Variants in TNNI3K observed in about 807,000 individuals in gnomAD.
TNNI3K encodes the protein TNNI3 interacting kinase, also known as serine/threonine-protein kinase TNNI3K.
In TNNI3K, 140 loss-of-function variants were observed where a neutral mutation model predicts 114.5. The observed-to-expected ratio is 1.22, with a 90% CI of 1.07 to 1.41. The LOEUF (loss-of-function observed/expected upper bound fraction) is 1.41, where lower values mean the gene tolerates loss of function less well. Among genes scored for constraint, TNNI3K ranks in the 40% most tolerant of loss-of-function variants. The pLI is 0.00. For missense variants in TNNI3K, 1,125 were observed against 1,007.6 expected (o/e 1.12, Z -1.58); for synonymous variants, 347 against 347.5 (o/e 1.00, Z 0.02).
At chr1:74,292,190 T>C (rs1011117521) in intron 5 of TNNI3K, among the ~76,000 whole-genome samples, 2 of 151,556 alleles carry the variant, frequency 1.3e-5, no homozygotes, top group Non-Finnish European at 3.0e-5. Flanking sequence ...AACCAACTTC[T>C]GGCTTTGTTG....
intron 17 of TNNI3K, among the ~76,000 whole-genome samples, chr1:74,391,964 T>A (rs924497922): frequency 0.077 from 10,360 of 134,214 alleles, 585 homozygotes; most frequent in African/African-American, 0.16. Flanking sequence ...ATTATTTTTT[T>A]TTTTTTTTTT....
At chr1:74,495,619 T>C (rs1052477518) in intron 23 of TNNI3K, among the ~76,000 whole-genome samples, 1 of 152,164 alleles carries the variant, frequency 6.6e-6, no homozygotes, top group African/African-American at 2.4e-5. Context: ...CCTTAGGAAG[T>C]AGGTATTCCA....
chr1:74,333,571 A>C (rs906806015), intron 6 of TNNI3K, among the ~76,000 whole-genome samples: 1 of 152,170 alleles, frequency 6.6e-6, no homozygotes, highest in African/African-American at 2.4e-5. Flanking sequence ...ATTATGCTAA[A>C]ATGTGGATGG....
chr1:74,532,065 T>G (rs185452356), intron 23 of TNNI3K, among the ~76,000 whole-genome samples: 73 of 152,258 alleles, frequency 4.8e-4, no homozygotes, highest in African/African-American at 1.6e-3. Context: ...AACCTAATGG[T>G]TTTCTGCTCA....
At chr1:74,518,327 A>G (rs970234687) in intron 23 of TNNI3K, among the ~76,000 whole-genome samples, 1 of 152,160 alleles carries the variant, frequency 6.6e-6, no homozygotes, top group African/African-American at 2.4e-5. Context: ...TTCATCTCCT[A>G]TTTCCACATA....
At chr1:74,313,765 A>G (rs376612304) in intron 5 of TNNI3K, among the ~76,000 whole-genome samples, 1 of 152,022 alleles carries the variant, frequency 6.6e-6, no homozygotes, top group Non-Finnish European at 1.5e-5. Flanking sequence ...CTCTGTGTTG[A>G]TGCTTTAATC....
chr1:74,414,291 T>G (rs990392665), intron 17 of TNNI3K, among the ~76,000 whole-genome samples: 21 of 152,222 alleles, frequency 1.4e-4, no homozygotes, highest in African/African-American at 4.8e-4. Flanking sequence ...AAGAGTCTAA[T>G]AGTGTTTCAT....
chr1:74,394,776 G>C (rs988683373), intron 17 of TNNI3K, among the ~76,000 whole-genome samples: 6 of 152,198 alleles, frequency 3.9e-5, no homozygotes, highest in African/African-American at 1.4e-4. Flanking sequence ...CGGGCGCAGT[G>C]GCTCACGCCT....
intron 17 of TNNI3K, among the ~76,000 whole-genome samples, chr1:74,419,510 T>C (rs571962155): frequency 1.1e-4 from 16 of 152,156 alleles, no homozygotes; most frequent in African/African-American, 3.9e-4. Flanking sequence ...AATCACCGAT[T>C]TGTGCTATTG....
intron 17 of TNNI3K, among the ~76,000 whole-genome samples, chr1:74,382,738 A>T (rs1033032475): frequency 3.9e-5 from 6 of 152,212 alleles, no homozygotes; most frequent in Non-Finnish European, 8.8e-5. Context: ...CCCTCATTTA[A>T]TGGTTTTAGC....
chr1:74,279,935 G>A (rs1656902293), intron 5 of TNNI3K, among the ~76,000 whole-genome samples: 1 of 152,130 alleles, frequency 6.6e-6, no homozygotes. Context: ...CTGAGAAAGA[G>A]GCAGAGCAAA....
chr1:74,241,724 G>A (rs929333304), intron 2 of TNNI3K, among the ~76,000 whole-genome samples: 2 of 152,040 alleles, frequency 1.3e-5, no homozygotes, highest in African/African-American at 4.8e-5. Context: ...CATTCTGTAG[G>A]TTGCCTGTTC....
At chr1:74,539,831 T>C (rs1646704604) in intron 23 of TNNI3K, among the ~76,000 whole-genome samples, 1 of 149,328 alleles carries the variant, frequency 6.7e-6, no homozygotes. Flanking sequence ...AAAAATAATA[T>C]AATAATAATA....
At chr1:74,245,198 G>C (rs1053411730) in intron 2 of TNNI3K, among the ~76,000 whole-genome samples, 2 of 152,192 alleles carry the variant, frequency 1.3e-5, no homozygotes, top group African/African-American at 2.4e-5. Context: ...TAATCCCAAT[G>C]TATTACAACT....
chr1:74,386,025 G>A (rs1193058863), intron 17 of TNNI3K, among the ~76,000 whole-genome samples: 2 of 152,158 alleles, frequency 1.3e-5, no homozygotes, highest in Non-Finnish European at 2.9e-5. Context: ...CATGCTGTTC[G>A]CATGATAGTG....
chr1:74,367,815 C>A, intron 12 of TNNI3K, 93 bp from the exon 13 acceptor site: 4 of 1,225,942 alleles, frequency 3.3e-6, no homozygotes, highest in South Asian at 1.5e-5. Flanking sequence ...AGTTTTACTT[C>A]GTTTCGTCAC....
intron 5 of TNNI3K, among the ~76,000 whole-genome samples, chr1:74,322,915 C>T (rs1331684268): frequency 6.6e-6 from 1 of 152,104 alleles, no homozygotes; most frequent in Non-Finnish European, 1.5e-5. Flanking sequence ...TTTCTTCAAT[C>T]CATTCAATCC....
At chr1:74,340,805 T>C (rs939571982) in intron 7 of TNNI3K, among the ~76,000 whole-genome samples, 1 of 152,168 alleles carries the variant, frequency 6.6e-6, no homozygotes, top group Non-Finnish European at 1.5e-5. Context: ...TGGCATTGAC[T>C]ATCCCTGGCT....
At chr1:74,502,395 T>C (rs1557611183) in intron 23 of TNNI3K, among the ~76,000 whole-genome samples, 1 of 152,220 alleles carries the variant, frequency 6.6e-6, no homozygotes, top group African/African-American at 2.4e-5. Flanking sequence ...TGGTTTCTAT[T>C]TTTTAGATAA....
Sources: gnomAD v4.1 joint callset for allele counts (sites outside exome capture counted in the v4.1 genomes callset) on GRCh38, gnomAD v4.1.1 for gene constraint, MANE v1.5 for transcripts, NCBI Gene and HGNC (gene_info 2026-07-23, HGNC 2026-07-21) for gene names.